Variants in UBXN7 observed in about 807,000 individuals in gnomAD.
UBXN7 encodes the protein UBX domain-containing protein 7.
UBXN7 carries 9 observed loss-of-function variants against 58.0 expected under a neutral mutation model. That is an observed-to-expected ratio of 0.16 (90% confidence interval 0.09 to 0.27). The LOEUF is 0.27. Ranked by LOEUF, UBXN7 falls within the 10% of genes least tolerant of loss-of-function variation. The pLI is 1.00. For synonymous variants in UBXN7, 208 were observed against 205.0 expected, an observed-to-expected ratio of 1.01 and a Z score of -0.12; for missense variants, 328 against 599.6, an observed-to-expected ratio of 0.55 and a Z score of 4.73.
chr3:196,386,380 T>TAAAAAAAAAC (rs1729398012), intron 5 of UBXN7, among the ~76,000 whole-genome samples: 1 of 57,728 alleles, frequency 1.7e-5, no homozygotes, highest in Non-Finnish European at 3.2e-5. Flanking sequence ...TAATAAACAC[T>TAAAAAAAAAC]AAAAAAAAAA....
intron 1 of UBXN7, 184 bp downstream of exon 1, chr3:196,432,143 G>T (rs779452764): frequency 6.4e-5 from 50 of 780,486 alleles, no homozygotes; most frequent in African/African-American, 1.0e-4. Context: ...CGGGAGCGGG[G>T]GGGGGCTGTC....
rs1728229384 is a variant in UBXN7 at position 196,352,110 on chromosome 3, T to A, written c.*4575A>T. 1 of 152,206 alleles carries A rather than the reference T, an allele frequency of 6.6e-6. No homozygotes were observed. The highest frequency in any genetic ancestry group is 2.4e-5 in the African/African-American group (1 of 41,458). 9.4% of individuals were successfully genotyped at this position (152,206 alleles called of 1,614,324 possible). On this transcript the variant is annotated 3_prime_UTR_variant, in exon 11 of 11. Transcript: ENST00000296328. This position sits in a 1 kb window ranked among gnomAD's most constrained non-coding sequence, Gnocchi z 4.1. ...TGAGCTACAGTGCTTGCCACTTCAG[T>A]CTTGTTTAAGACTTTGCTAACTAAA...
At position 196,368,011 on chromosome 3, in the gene UBXN7, C is replaced by T. The variant is rs1171221876; in HGVS notation, c.834+17G>A. 1.2e-6 allele frequency: 2 copies of T among 1,606,680 alleles called. No homozygotes were observed. Among genetic ancestry groups the T allele is most frequent in the African/African-American group, 1.3e-5 (1 of 74,538 alleles). On this transcript the variant is annotated intron_variant, in intron 8 of 10. Transcript: ENST00000296328. ...ATTACATTTATTTTCCCATCACCAC[C>T]TCCTAATTATACTTACTGAACGGGC...
chr3:196,416,955 G>A (rs910602322), intron 1 of UBXN7, among the ~76,000 whole-genome samples: 4 of 152,168 alleles, frequency 2.6e-5, no homozygotes, highest in South Asian at 2.1e-4. Flanking sequence ...GCAGTACCAC[G>A]TGAGGGCAAC....
rs550543429 is a variant in UBXN7 at position 196,367,029 on chromosome 3, A to G, written c.834+999T>C. On this transcript the variant is annotated intron_variant, in intron 8 of 10. Transcript: ENST00000296328. ...GAAACCCCATCTCTACTAAAACTAC[A>G]AAAATTAGCCAGATGCAGTGGTGTA... Among the ~76,000 whole-genome samples, 6 of 152,190 alleles carry G rather than the reference A, an allele frequency of 3.9e-5. No homozygotes were observed. The South Asian group carries it at 1.2e-3, about 32-fold the overall frequency.
chr3:196,415,441 C>T (rs1420699694), intron 1 of UBXN7, among the ~76,000 whole-genome samples: 11 of 148,424 alleles, frequency 7.4e-5, no homozygotes, highest in South Asian at 2.2e-4. Context: ...CGTGAGCCAC[C>T]GCACCCAGCC....
intron 5 of UBXN7, among the ~76,000 whole-genome samples, chr3:196,379,845 T>G (rs1729145423): frequency 6.6e-6 from 1 of 152,066 alleles, no homozygotes; most frequent in South Asian, 2.1e-4. Flanking sequence ...TATTGTCCCT[T>G]CTGTGGTCGC....
intron 1 of UBXN7, among the ~76,000 whole-genome samples, chr3:196,427,587 G>A (rs1730890664): frequency 6.6e-6 from 1 of 152,202 alleles, no homozygotes; most frequent in Non-Finnish European, 1.5e-5. Flanking sequence ...CAAAGTGCCT[G>A]GGATTACAGG....
At chr3:196,392,584 C>T (rs768413366) in intron 4 of UBXN7, among the ~76,000 whole-genome samples, 2 of 151,046 alleles carry the variant, frequency 1.3e-5, no homozygotes, top group Non-Finnish European at 2.9e-5. Context: ...GTGCGGATCA[C>T]CTGAGGTCAG....
intron 1 of UBXN7, among the ~76,000 whole-genome samples, chr3:196,425,611 A>AT (rs1177023297): frequency 2.6e-5 from 4 of 151,834 alleles, no homozygotes; most frequent in African/African-American, 7.3e-5. Flanking sequence ...TAAAGACAAG[A>AT]TTTTTTTTAA....
At chr3:196,366,402 G>C (rs1362491756) in intron 8 of UBXN7, among the ~76,000 whole-genome samples, 2 of 151,356 alleles carry the variant, frequency 1.3e-5, no homozygotes, top group African/African-American at 4.9e-5. Context: ...TGTAGTCCTA[G>C]CTACTCAGGA....
intron 5 of UBXN7, among the ~76,000 whole-genome samples, chr3:196,376,203 A>G (rs775545214): frequency 2.6e-5 from 4 of 152,170 alleles, no homozygotes; most frequent in Non-Finnish European, 4.4e-5. Flanking sequence ...TGATTTGTCT[A>G]ATTTGAATAA....
At chr3:196,417,630 G>A (rs1363134906) in intron 1 of UBXN7, among the ~76,000 whole-genome samples, 5 of 150,468 alleles carry the variant, frequency 3.3e-5, no homozygotes, top group African/African-American at 4.9e-5. Flanking sequence ...TCAGCTGGGC[G>A]TGGTGGCTCA....
Position 196,356,623 on chromosome 3 carries a change from TG to T in UBXN7, c.*61del. ...CCTATGAGCCAAAATGCATACTTAG[TG>T]ACATGTATCTCACAGGAAAAGGGAA... On this transcript the variant is annotated 3_prime_UTR_variant, in exon 11 of 11. Coordinates refer to ENST00000296328, the MANE Select transcript of UBXN7 (RefSeq NM_015562.2). 1 of 1,529,450 alleles carries T rather than the reference TG, an allele frequency of 6.5e-7. No homozygotes were observed. The highest frequency in any genetic ancestry group is 8.7e-7 in the Non-Finnish European group (1 of 1,146,306). 94.7% of individuals were successfully genotyped at this position (1,529,450 alleles called of 1,614,324 possible). A position where few individuals can be genotyped will look rare whatever the true frequency, so the allele number is the denominator to read the frequency against.
intron 1 of UBXN7, among the ~76,000 whole-genome samples, chr3:196,421,721 G>C (rs1425766912): frequency 6.6e-6 from 1 of 150,846 alleles, no homozygotes; most frequent in East Asian, 2.0e-4. Flanking sequence ...AGGTTGCAGT[G>C]AGCCAAGATC....
intron 10 of UBXN7, among the ~76,000 whole-genome samples, chr3:196,357,999 C>G (rs1002707466): frequency 6.6e-6 from 1 of 151,812 alleles, no homozygotes; most frequent in Non-Finnish European, 1.5e-5. Context: ...TCGTGCCCCA[C>G]AGCACTCCAG....
At chr3:196,379,264 C>T (rs1729124898) in intron 5 of UBXN7, among the ~76,000 whole-genome samples, 1 of 151,570 alleles carries the variant, frequency 6.6e-6, no homozygotes, top group Non-Finnish European at 1.5e-5. Context: ...GGGATCTTAG[C>T]CAGCTTCTTT....
At chr3:196,432,277 C>A in intron 1 of UBXN7, 50 bp downstream of exon 1, 2 of 1,609,022 alleles carry the variant, frequency 1.2e-6, no homozygotes, top group Admixed American at 1.7e-5. Flanking sequence ...GGCAGACCCG[C>A]TGCCCGCTCC....
intron 1 of UBXN7, among the ~76,000 whole-genome samples, chr3:196,415,200 T>C (rs1337786968): frequency 6.7e-6 from 1 of 149,830 alleles, no homozygotes; most frequent in Non-Finnish European, 1.5e-5. Context: ...GTTGCCAGGC[T>C]GAAAAGCAGT....
Sources: allele counts gnomAD v4.1 joint callset (sites outside exome capture counted in the v4.1 genomes callset), GRCh38; gene constraint gnomAD v4.1.1; non-coding constraint Gnocchi (gnomAD v3.1); transcripts MANE v1.5; gene names NCBI Gene and HGNC (gene_info 2026-07-23, HGNC 2026-07-21).